PCDH15: variants seen among roughly 807,000 people sequenced by gnomAD.
PCDH15 encodes protocadherin related 15.
PCDH15 carries 129 observed loss-of-function variants against 178.5 expected under a neutral mutation model. That is an observed-to-expected ratio of 0.72 (90% CI 0.63 to 0.84). The LOEUF is 0.84. Among genes scored for constraint, PCDH15 ranks in the 40% least tolerant of loss-of-function variants. PCDH15 has a pLI of 0.00. For synonymous variants in PCDH15, 800 were observed against 732.0 expected (o/e 1.09, Z -1.50); for missense variants, 2,230 against 2,099.9 (o/e 1.06, Z -1.21).
intron 2 of PCDH15, among the ~76,000 whole-genome samples, chr10:54,968,925 A>G (rs1444567476): frequency 1.3e-5 from 2 of 151,996 alleles, no homozygotes; most frequent in Admixed American, 1.3e-4. Flanking sequence ...TATCCAGTAT[A>G]TTTTTCATAT....
intron 1 of PCDH15, among the ~76,000 whole-genome samples, chr10:54,717,061 A>G (rs1160993662): frequency 2.0e-5 from 3 of 148,520 alleles, no homozygotes; most frequent in African/African-American, 7.6e-5. Flanking sequence ...AGCTATATGT[A>G]GAAAGCTGAA....
chr10:55,255,943 G>C lies in PCDH15; in HGVS notation c.-156+63656C>G, dbSNP rs556334461. 2.1e-3 allele frequency among the ~76,000 whole-genome samples: 324 copies of C among 152,096 alleles called. 2 individuals carry two copies. The highest frequency in any genetic ancestry group is 7.0e-3 in the African/African-American group (291 of 41,490). ...TAGTTTCTTTTGCTGTGCAGAAGCT[G>C]TTTAGTTTAATTAGATCCCATTTGT... is the stretch of plus-strand genomic sequence containing the variant. On this transcript the variant is annotated intron_variant, in intron 1 of 5. Coordinates refer to the PCDH15 transcript ENST00000458638.
intron 2 of PCDH15, among the ~76,000 whole-genome samples, chr10:55,437,832 C>CTTTTTTTTTTTT (rs778307616): frequency 2.3e-5 from 2 of 85,142 alleles, no homozygotes; most frequent in African/African-American, 4.9e-5. Context: ...TATTGCTTTT[C>CTTTTTTTTTTTT]TTTTTTTTTT....
chr10:54,884,480 G>GGTGTGTGTGTGTGTGT (rs11473798), intron 3 of PCDH15, among the ~76,000 whole-genome samples: 57 of 148,732 alleles, frequency 3.8e-4, no homozygotes, highest in African/African-American at 1.4e-3. Context: ...TACTAAGATA[G>GGTGTGTGTGTGTGTGT]GTGTGTGTGT....
intron 2 of PCDH15, among the ~76,000 whole-genome samples, chr10:54,611,846 C>A (rs138152839): frequency 0.013 from 1,927 of 151,966 alleles, 44 homozygotes; most frequent in African/African-American, 0.044. Context: ...TTGTCTTCAA[C>A]ACTTTCTGAG....
At chr10:54,348,137 C>T (rs916351528) in intron 5 of PCDH15, among the ~76,000 whole-genome samples, 6 of 152,002 alleles carry the variant, frequency 3.9e-5, no homozygotes, top group Non-Finnish European at 7.4e-5. Context: ...CTTGAGCCAC[C>T]GCGCCCGGCT....
intron 2 of PCDH15, among the ~76,000 whole-genome samples, chr10:55,529,622 G>T (rs576508674): frequency 8.6e-4 from 129 of 150,542 alleles, no homozygotes; most frequent in Non-Finnish European, 1.5e-3. Context: ...ACATATACAG[G>T]TATTAGGGTG....
chr10:53,896,569 C>A (rs768838277), intron 26 of PCDH15, among the ~76,000 whole-genome samples: 1 of 152,114 alleles, frequency 6.6e-6, no homozygotes, highest in Non-Finnish European at 1.5e-5. Context: ...GGACAGGGGT[C>A]CCCAACCCTC....
At chr10:55,523,942 C>T (rs1841244575) in intron 2 of PCDH15, among the ~76,000 whole-genome samples, 1 of 151,548 alleles carries the variant, frequency 6.6e-6, no homozygotes, top group African/African-American at 2.4e-5. Flanking sequence ...TTTCACTATA[C>T]CCTGAACCTA....
At chr10:54,453,546 C>G (rs1389195815) in intron 3 of PCDH15, among the ~76,000 whole-genome samples, 3 of 151,538 alleles carry the variant, frequency 2.0e-5, no homozygotes, top group Non-Finnish European at 4.4e-5. Context: ...GGAGATATAC[C>G]TAATGTTAAA....
At chr10:55,417,904 C>T (rs1322301865) in intron 2 of PCDH15, among the ~76,000 whole-genome samples, 2 of 150,648 alleles carry the variant, frequency 1.3e-5, no homozygotes, top group African/African-American at 2.4e-5. Context: ...TTATGCTTAA[C>T]CAGAAAAAAA....
chr10:54,181,770 TTC>T (rs1239904291), intron 13 of PCDH15, among the ~76,000 whole-genome samples: 1 of 152,188 alleles, frequency 6.6e-6, no homozygotes, highest in Non-Finnish European at 1.5e-5. Context: ...GAAACGTTTT[TTC>T]TCTCTTTACC....
At chr10:53,906,644 C>A (rs1485917565) in intron 25 of PCDH15, among the ~76,000 whole-genome samples, 1 of 152,110 alleles carries the variant, frequency 6.6e-6, no homozygotes. Flanking sequence ...AGGGAGCTCA[C>A]TAAATCAAAG....
Position 54,389,586 on chromosome 10 carries a change from C to T in PCDH15, c.158-10644G>A, listed in dbSNP as rs144345665. Among the ~76,000 whole-genome samples, 643 of 152,268 alleles carry T rather than the reference C, an allele frequency of 4.2e-3. 12 individuals carry two copies. In the South Asian group the frequency reaches 0.048, roughly 11 times the overall value. Reference sequence around the variant, plus strand: ...TGTTCGAAATCCGTATTTGCGGCTCCATCCCAAACTATTGCATTAGAAACT... The same window carrying T: ...TGTTCGAAATCCGTATTTGCGGCTCTATCCCAAACTATTGCATTAGAAACT... On this transcript the variant is annotated intron_variant, in intron 3 of 37. Coordinates refer to ENST00000644397, the MANE Select transcript of PCDH15 (RefSeq NM_001384140.1).
At chr10:54,830,122 T>C (rs1414049936) in intron 3 of PCDH15, among the ~76,000 whole-genome samples, 1 of 152,124 alleles carries the variant, frequency 6.6e-6, no homozygotes, top group Non-Finnish European at 1.5e-5. Flanking sequence ...ATAGAAAAAA[T>C]GTAACTGTTG....
At chr10:54,081,511 G>A (rs958197123) in intron 16 of PCDH15, among the ~76,000 whole-genome samples, 1 of 152,086 alleles carries the variant, frequency 6.6e-6, no homozygotes, top group African/African-American at 2.4e-5. Flanking sequence ...TTGCGACTCA[G>A]TGTTGTAGGC....
chr10:55,123,400 A>G (rs912219275), intron 2 of PCDH15, among the ~76,000 whole-genome samples: 1 of 152,126 alleles, frequency 6.6e-6, no homozygotes. Context: ...TGATACAGTG[A>G]TAAAAATAGT....
At chr10:54,912,452 T>C (rs940129066) in intron 2 of PCDH15, among the ~76,000 whole-genome samples, 18 of 152,242 alleles carry the variant, frequency 1.2e-4, no homozygotes, top group African/African-American at 4.1e-4. Context: ...TGCTCTCTCC[T>C]GCTCCACGAG....
intron 3 of PCDH15, among the ~76,000 whole-genome samples, chr10:54,417,186 A>G (rs1395332402): frequency 6.6e-6 from 1 of 152,176 alleles, no homozygotes; most frequent in Non-Finnish European, 1.5e-5. Context: ...TACCTCATCC[A>G]GCAACCAAAA....
Sources: allele counts gnomAD v4.1 joint callset (sites outside exome capture counted in the v4.1 genomes callset), GRCh38; gene constraint gnomAD v4.1.1; transcripts MANE v1.5; gene names NCBI Gene and HGNC (gene_info 2026-07-23, HGNC 2026-07-21).